Variants in RUNX1 observed in about 807,000 individuals in gnomAD.
The protein encoded by RUNX1 is runt-related transcription factor 1.
In RUNX1, 19 loss-of-function variants were observed where a neutral mutation model predicts 42.8. The ratio of observed to expected loss-of-function variants is 0.44; its 90% confidence interval spans 0.31 to 0.65. The LOEUF (loss-of-function observed/expected upper bound fraction) is 0.65. RUNX1 is among the 30% of genes least tolerant of loss of function. The probability of loss-of-function intolerance (pLI) is 0.07; values close to 1 mark genes in which losing one functional copy is unlikely to be tolerated. For missense variants in RUNX1, 528 were observed against 672.0 expected, an observed-to-expected ratio of 0.79 and a Z score of 2.37; for synonymous variants, 271 against 289.4, an observed-to-expected ratio of 0.94 and a Z score of 0.64.
At chr21:34,889,632 CTCCCCGCCCCCGT>C in intron 3 of RUNX1, 1 of 1,091,368 alleles carries the variant, frequency 9.2e-7, no homozygotes, top group Non-Finnish European at 1.1e-6. Context: ...CCCCGCTCCT[CTCCCCGCCCCCGT>C]GCGCTCGAGC....
intron 2 of RUNX1, among the ~76,000 whole-genome samples, chr21:34,934,478 T>G (rs2058470990): frequency 1.3e-5 from 2 of 152,252 alleles, no homozygotes; most frequent in South Asian, 4.1e-4. Context: ...CAGGGTGGCT[T>G]TGACATTCAT....
At chr21:34,974,756 C>T (rs1470937196) in intron 2 of RUNX1, among the ~76,000 whole-genome samples, 2 of 152,152 alleles carry the variant, frequency 1.3e-5, no homozygotes, top group Admixed American at 6.5e-5. Context: ...TAACACTATA[C>T]AAAAATAGCA....
At chr21:34,965,999 G>T (rs1284482216) in intron 2 of RUNX1, among the ~76,000 whole-genome samples, 1 of 152,152 alleles carries the variant, frequency 6.6e-6, no homozygotes, top group Non-Finnish European at 1.5e-5. Flanking sequence ...GGTCTCGATG[G>T]AGCAGTCCCC....
intron 2 of RUNX1, among the ~76,000 whole-genome samples, chr21:35,029,113 C>T (rs2059256646): frequency 6.6e-6 from 1 of 152,158 alleles, no homozygotes; most frequent in African/African-American, 2.4e-5. Flanking sequence ...CCTCTCTCCA[C>T]CATCTCTGCT....
At chr21:34,890,250 C>G (rs968213897) in intron 3 of RUNX1, among the ~76,000 whole-genome samples, 3 of 151,964 alleles carry the variant, frequency 2.0e-5, no homozygotes, top group African/African-American at 7.2e-5. Context: ...GCGCAGTCCC[C>G]GGAGCTCCCG....
At chr21:35,028,808 T>C (rs1446290194) in intron 2 of RUNX1, among the ~76,000 whole-genome samples, 1 of 152,226 alleles carries the variant, frequency 6.6e-6, no homozygotes, top group Non-Finnish European at 1.5e-5. Context: ...TTACAGAGTG[T>C]TATTAAGCAG....
chr21:35,025,635 G>A (rs909706975), intron 2 of RUNX1, among the ~76,000 whole-genome samples: 3 of 152,058 alleles, frequency 2.0e-5, no homozygotes, highest in Non-Finnish European at 2.9e-5. Context: ...CAAAATATAC[G>A]GGTCTCTATA....
intron 3 of RUNX1, chr21:34,889,668 G>A (rs890665728): frequency 2.6e-6 from 3 of 1,144,540 alleles, no homozygotes; most frequent in East Asian, 1.2e-4. Context: ...CCCCAGGTGC[G>A]GAACCCACCC....
intron 2 of RUNX1, among the ~76,000 whole-genome samples, chr21:34,922,948 C>T (rs190734543): frequency 3.9e-5 from 6 of 152,322 alleles, no homozygotes; most frequent in African/African-American, 9.6e-5. Context: ...ATCTTCACAA[C>T]AATCCTTAGA....
At chr21:34,986,194 G>T (rs919676868) in intron 2 of RUNX1, among the ~76,000 whole-genome samples, 1 of 151,958 alleles carries the variant, frequency 6.6e-6, no homozygotes, top group Non-Finnish European at 1.5e-5. Flanking sequence ...GATCATTTAT[G>T]TCCCTAGATA....
intron 2 of RUNX1, among the ~76,000 whole-genome samples, chr21:35,007,112 A>C (rs2059090866): frequency 6.6e-6 from 1 of 152,246 alleles, no homozygotes; most frequent in African/African-American, 2.4e-5. Context: ...GAAAGAGTGT[A>C]AGCTATGGCA....
At chr21:34,804,799 G>A (rs1453616793) in intron 7 of RUNX1, among the ~76,000 whole-genome samples, 1 of 149,332 alleles carries the variant, frequency 6.7e-6, no homozygotes, top group Non-Finnish European at 1.5e-5. Context: ...CTGGAGTGCA[G>A]TGGCGCAATC....
rs1256311824 is a variant in RUNX1 at position 34,791,486 on chromosome 21, A to T, written c.*649T>A. 2 of 232,464 alleles carry T rather than the reference A, an allele frequency of 8.6e-6. No individual in the cohort carries two copies. The highest frequency in any genetic ancestry group is 1.7e-5 in the Non-Finnish European group (2 of 117,528). 14.4% of individuals were successfully genotyped at this position (232,464 alleles called of 1,614,324 possible). On this transcript the variant is annotated 3_prime_UTR_variant, in exon 9 of 9. Coordinates refer to ENST00000675419, the MANE Select transcript of RUNX1 (RefSeq NM_001754.5). The stretch of plus-strand genomic sequence containing the variant: ...ACAACTACCCAAAAGTCCAAAAGAA[A>T]AGTTAAATAAAACTTAAAGAAAAGG...
At chr21:34,977,403 T>C (rs969450755) in intron 2 of RUNX1, among the ~76,000 whole-genome samples, 1 of 152,240 alleles carries the variant, frequency 6.6e-6, no homozygotes, top group Non-Finnish European at 1.5e-5. Context: ...AGGAGGGTTA[T>C]CTTGGTTCAC....
chr21:34,950,750 C>G (rs980626479), intron 2 of RUNX1, among the ~76,000 whole-genome samples: 1 of 152,044 alleles, frequency 6.6e-6, no homozygotes, highest in African/African-American at 2.4e-5. Flanking sequence ...AAATTGCACA[C>G]ATAGTTAGGT....
chr21:34,998,200 A>G (rs1271237656), intron 2 of RUNX1, among the ~76,000 whole-genome samples: 1 of 152,164 alleles, frequency 6.6e-6, no homozygotes, highest in Admixed American at 6.5e-5. Flanking sequence ...GAAAATATTT[A>G]GGGAAGCAAG....
intron 2 of RUNX1, among the ~76,000 whole-genome samples, chr21:34,965,792 AAT>A: frequency 6.6e-6 from 1 of 152,200 alleles, no homozygotes; most frequent in Admixed American, 6.5e-5. Context: ...GGCATTTCCG[AAT>A]CAAGTATCTA....
At chr21:35,037,399 G>C (rs901921332) in intron 2 of RUNX1, among the ~76,000 whole-genome samples, 2 of 152,186 alleles carry the variant, frequency 1.3e-5, no homozygotes, top group Non-Finnish European at 2.9e-5. Flanking sequence ...GGGCCATAAA[G>C]CCACCAAATG....
chr21:34,818,186 A>G (rs1045837040), intron 7 of RUNX1, among the ~76,000 whole-genome samples: 2 of 152,060 alleles, frequency 1.3e-5, no homozygotes, highest in African/African-American at 4.8e-5. Flanking sequence ...GCCCCTGCCT[A>G]TTCACCCCAC....
Sources: gnomAD v4.1 joint callset for allele counts (sites outside exome capture counted in the v4.1 genomes callset) on GRCh38, gnomAD v4.1.1 for gene constraint, MANE v1.5 for transcripts, NCBI Gene and HGNC (gene_info 2026-07-23, HGNC 2026-07-21) for gene names.